IQGAP3: variants seen among roughly 807,000 people sequenced by gnomAD.
IQGAP3 encodes the protein ras GTPase-activating-like protein IQGAP3.
IQGAP3 carries 165 observed loss-of-function variants against 208.2 expected under a neutral mutation model. The observed-to-expected ratio is 0.79, with a 90% CI of 0.70 to 0.90. The LOEUF (loss-of-function observed/expected upper bound fraction) is 0.90, where lower values mean the gene tolerates loss of function less well. Ranked by LOEUF, IQGAP3 falls within the 40% of genes least tolerant of loss-of-function variation. The probability of loss-of-function intolerance (pLI) is 0.00; values close to 1 mark genes in which losing one functional copy is unlikely to be tolerated. For synonymous variants in IQGAP3, 703 were observed against 803.6 expected (o/e 0.87, Z 2.12); for missense variants, 1,811 against 2,043.1 (o/e 0.89, Z 2.19).
rs763165797 is a variant in IQGAP3, at chr1:156,563,315, G to C, written c.620-3C>G. The C allele has an allele frequency of 6.3e-7, 1 of 1,585,580 alleles. No individual in the cohort carries two copies. ...GATGGCAAGAACAGCTGCATGGACT[G>C]GGAGAGGGCATGGAAACAAGGTCAG... On this transcript the variant is annotated splice_region_variant and splice_polypyrimidine_tract_variant and intron_variant, in intron 7 of 37. Coordinates refer to ENST00000361170, the MANE Select transcript of IQGAP3 (RefSeq NM_178229.5).
At position 156,538,990 on chromosome 1, in the gene IQGAP3, T is replaced by C. The variant is rs1674847889; in HGVS notation, c.3100A>G (p.Thr1034Ala). ...QPQDVVTGNP[T>A]VVRLVVRFYR... is the part of the protein sequence containing the mutation. ...AATCTCACCACCAGCCTCACCACTG[T>C]TGGGTTGCCTGTCACCACGTCCTGG... The change falls in exon 26 of 38, where the codon ACA becomes GCA. Residue 1034 changes from threonine (T) to alanine (A), a missense_variant. Physicochemically the swap from Thr to Ala is moderately conservative, Grantham distance 58. Coordinates refer to ENST00000361170, the MANE Select transcript of IQGAP3 (RefSeq NM_178229.5). 5.0e-6 allele frequency: 8 copies of C among 1,614,070 alleles called. No individual in the cohort carries two copies. The highest frequency in any genetic ancestry group is 2.2e-5 in the East Asian group (1 of 44,900).
At chr1:156,526,895 C>A (rs934569399) in intron 37 of IQGAP3, among the ~76,000 whole-genome samples, 1 of 152,008 alleles carries the variant, frequency 6.6e-6, no homozygotes, top group Non-Finnish European at 1.5e-5. Context: ...TGCAGTGGCG[C>A]GATCTCGGAT....
chr1:156,533,819 C>G lies in IQGAP3; in HGVS notation c.3930G>C (p.Glu1310Asp). Residue 1310 changes from glutamate (E) to aspartate (D), a missense_variant, in exon 31 of 38, where the codon GAG (glutamate) becomes GAC (aspartate). By Grantham distance (45) the Glu-to-Asp change is conservative. Transcript: ENST00000361170. ...GCAGCTCCCCAAGATCCTCCAGGAG[C>G]TCATGCAGGGGGTCTTGGTGATCAG... ...IAPDHQDPLHELLEDLGELPT... is the reference protein window; with the variant it reads ...IAPDHQDPLHDLLEDLGELPT... The G allele has an allele frequency of 1.2e-6, 2 of 1,613,622 alleles. No individual in the cohort carries two copies. The highest frequency in any genetic ancestry group is 1.7e-6 in the Non-Finnish European group (2 of 1,179,740).
chr1:156,539,184 C>G (rs1674857722), intron 25 of IQGAP3, 151 bp from the exon 26 acceptor site: 2 of 821,118 alleles, frequency 2.4e-6, no homozygotes, highest in Admixed American at 4.5e-5. Flanking sequence ...TTTGTGTTAG[C>G]ATGTCAGCCC....
At chr1:156,553,584 T>C (rs923947655) in intron 13 of IQGAP3, among the ~76,000 whole-genome samples, 5 of 146,444 alleles carry the variant, frequency 3.4e-5, no homozygotes, top group African/African-American at 9.9e-5. Flanking sequence ...TTCTTTCTTT[T>C]TTTTTTTTTT....
intron 36 of IQGAP3, 69 bp from the exon 37 acceptor site, chr1:156,528,129 C>T: frequency 5.1e-6 from 6 of 1,175,160 alleles, no homozygotes. Flanking sequence ...ATTCTTGCAC[C>T]CACTGCTCCT....
intron 7 of IQGAP3, 69 bp downstream of exon 7, chr1:156,563,484 G>A: frequency 7.1e-7 from 1 of 1,406,040 alleles, no homozygotes; most frequent in East Asian, 2.5e-5. Context: ...CCCATCCAAT[G>A]GCTGTGAGGC....
chr1:156,526,987 C>T (rs920582637), intron 37 of IQGAP3, among the ~76,000 whole-genome samples: 1 of 151,752 alleles, frequency 6.6e-6, no homozygotes, highest in African/African-American at 2.4e-5. Context: ...CAGGTGCCAC[C>T]ACGCCAGGCT....
In IQGAP3 at chr1:156,539,529, G is replaced by A. The variant is rs1201846915; in HGVS notation, c.2901C>T (p.Pro967=). ...QHLFYLLQTQ[P]IYLAKLIFQM... ...GAAAGATCAGCTTGGCCAGGTAGAT[G>A]GGCTGAGTCTGCAAGCAAGAGGGGA... is the stretch of plus-strand genomic sequence containing the variant. The change falls in exon 25 of 38, where the codon CCC becomes CCT. Residue 967 remains proline, a synonymous_variant. Coordinates refer to ENST00000361170, the MANE Select transcript of IQGAP3 (RefSeq NM_178229.5). The A allele has an allele frequency of 2.5e-6, 4 of 1,614,042 alleles. No individual in the cohort carries two copies. The highest frequency in any genetic ancestry group is 2.7e-5 in the African/African-American group (2 of 74,912).
chr1:156,557,300 G>A (rs1431609992), intron 11 of IQGAP3, among the ~76,000 whole-genome samples: 1 of 7,386 alleles, frequency 1.4e-4, no homozygotes, highest in African/African-American at 1.5e-4. Context: ...TGGGGGGTCA[G>A]CCCCCCGCCC....
chr1:156,565,124 G>A (rs1286575414), intron 4 of IQGAP3, among the ~76,000 whole-genome samples: 1 of 152,136 alleles, frequency 6.6e-6, no homozygotes, highest in Non-Finnish European at 1.5e-5. Flanking sequence ...TCCCATGCAG[G>A]GCCCAATGAA....
intron 29 of IQGAP3, 109 bp from the exon 30 acceptor site, chr1:156,534,250 A>G (rs1470163174): frequency 3.3e-6 from 5 of 1,524,236 alleles, no homozygotes; most frequent in Non-Finnish European, 4.5e-6. Context: ...GCCAATTTGG[A>G]CTCTCCAGTC....
intron 16 of IQGAP3, 89 bp downstream of exon 16, chr1:156,550,172 G>A: frequency 1.1e-6 from 1 of 869,952 alleles, no homozygotes; most frequent in Admixed American, 2.0e-5. Flanking sequence ...AGAGGGTGGT[G>A]ACCAGGGAGG....
At chr1:156,560,710 T>C (rs973798903) in intron 11 of IQGAP3, among the ~76,000 whole-genome samples, 1 of 152,156 alleles carries the variant, frequency 6.6e-6, no homozygotes, top group Non-Finnish European at 1.5e-5. Flanking sequence ...AACAGCCCAG[T>C]GCAGTATTGG....
At position 156,563,551 on chromosome 1, in the gene IQGAP3, A is replaced by AGGCAGAG; in HGVS notation, c.619+1_619+2insCTCTGCC. ...CCTGGCAGGGCAGAGCCTAGTCCTTACCTGCAGCCTCATCCACCGAGAGCT... is the reference window on the plus strand; with the variant it reads ...CCTGGCAGGGCAGAGCCTAGTCCTTAGGCAGAGCCTGCAGCCTCATCCACCGAGAGCT... On this transcript the variant is annotated splice_donor_variant, in intron 7 of 37. Coordinates refer to ENST00000361170, the MANE Select transcript of IQGAP3 (RefSeq NM_178229.5). LOFTEE classifies it high-confidence loss of function. 1 of 1,609,732 alleles carries AGGCAGAG rather than the reference A, an allele frequency of 6.2e-7. No homozygotes were observed. Among genetic ancestry groups the AGGCAGAG allele is most frequent in the Non-Finnish European group, 8.5e-7 (1 of 1,177,604 alleles).
intron 22 of IQGAP3, among the ~76,000 whole-genome samples, chr1:156,543,695 A>G (rs527719670): frequency 1.3e-5 from 2 of 152,352 alleles, no homozygotes; most frequent in African/African-American, 4.8e-5. Flanking sequence ...CCCTAAGAAA[A>G]GAAGCAAGAT....
Position 156,539,075 on chromosome 1 carries a change from T to C in IQGAP3, c.3057-42A>G, listed in dbSNP as rs1224790262. ...CATTGAAACCAGTCTTCTGCCTCTG[T>C]GTAGGACATACCGTTGCTTTTCCTT... On this transcript the variant is annotated intron_variant, in intron 25 of 37. Coordinates refer to ENST00000361170, the MANE Select transcript of IQGAP3 (RefSeq NM_178229.5). 3.2e-6 allele frequency: 5 copies of C among 1,543,566 alleles called. No homozygotes were observed. In the African/African-American group the frequency reaches 4.1e-5, roughly 13 times the overall value.
intron 1 of IQGAP3, among the ~76,000 whole-genome samples, chr1:156,569,787 G>A (rs1053754402): frequency 6.6e-6 from 1 of 151,974 alleles, no homozygotes; most frequent in African/African-American, 2.4e-5. Flanking sequence ...CCAAAGTGCT[G>A]GCATTACAGG....
At position 156,530,300 on chromosome 1, in the gene IQGAP3, C is replaced by T. The variant is rs1458972459; in HGVS notation, c.4209G>A (p.Gln1403=). The T allele has an allele frequency of 6.2e-7, 1 of 1,608,940 alleles. No individual in the cohort carries two copies. Among genetic ancestry groups the T allele is most frequent in the Non-Finnish European group, 8.5e-7 (1 of 1,179,880 alleles). The change falls in exon 34 of 38, where the codon CAG becomes CAA. Residue 1403 remains glutamine, a synonymous_variant. Coordinates refer to ENST00000361170, the MANE Select transcript of IQGAP3 (RefSeq NM_178229.5). ...TACAGGCCTGGCGTCGGCTCATCAG[C>T]TGCTTGTGGGCTGCTTCCTGGGGAC... ...ASREQEAAHK[Q]LMSRRQACTA...
Sources: allele counts gnomAD v4.1 joint callset (sites outside exome capture counted in the v4.1 genomes callset), GRCh38; gene constraint gnomAD v4.1.1; transcripts MANE v1.5; gene names NCBI Gene and HGNC (gene_info 2026-07-23, HGNC 2026-07-21).